Variants in ZFP90 observed in about 807,000 individuals in gnomAD.
ZFP90 encodes the protein zinc finger protein 90 homolog.
Under a neutral mutation model 60.8 loss-of-function variants are expected in ZFP90, and 38 were observed. That is an observed-to-expected ratio of 0.62 (90% CI 0.48 to 0.82). The LOEUF is 0.82. Ranked by LOEUF, ZFP90 falls within the 40% of genes least tolerant of loss-of-function variation. The pLI, the probability that ZFP90 is intolerant of heterozygous loss-of-function variation, is 0.00. For synonymous variants in ZFP90, 287 were observed against 264.8 expected (o/e 1.08, Z -0.82); for missense variants, 711 against 759.1 (o/e 0.94, Z 0.74).
chr16:68,560,317 T>A (rs2091417509), intron 4 of ZFP90, among the ~76,000 whole-genome samples: 1 of 152,132 alleles, frequency 6.6e-6, no homozygotes, highest in Non-Finnish European at 1.5e-5. Flanking sequence ...CTGGTAACCA[T>A]TAATCTAATT....
At chr16:68,571,280 T>G (rs771791878), downstream of ZFP90, among the ~76,000 whole-genome samples, 1 of 152,226 alleles carries the variant, frequency 6.6e-6, no homozygotes. Flanking sequence ...AGGGTTAGGT[T>G]AGTCAGAAGT....
upstream of ZFP90, among the ~76,000 whole-genome samples, chr16:68,537,355 A>C (rs150492217): frequency 0.03 from 4,552 of 151,944 alleles, 92 homozygotes; most frequent in Non-Finnish European, 0.047. Flanking sequence ...CGAACTCCTG[A>C]CCTCAAGTGA....
chr16:68,562,856 C>A, intron 4 of ZFP90, 188 bp from the exon 5 acceptor site: 1 of 1,344,680 alleles, frequency 7.4e-7, no homozygotes, highest in Non-Finnish European at 1.0e-6. Flanking sequence ...ACCACATACT[C>A]TGAATCTGCA....
At chr16:68,560,839 C>CA (rs1183685470) in intron 4 of ZFP90, among the ~76,000 whole-genome samples, 3 of 150,992 alleles carry the variant, frequency 2.0e-5, no homozygotes, top group Admixed American at 1.3e-4. Flanking sequence ...GCTGGGATTA[C>CA]AAGCCTGAGC....
chr16:68,540,808 C>CAAAAAAAAAAAAAAAAAAAAAAAA (rs35122186), intron 2 of ZFP90, among the ~76,000 whole-genome samples: 1 of 92,698 alleles, frequency 1.1e-5, no homozygotes, highest in African/African-American at 4.5e-5. Context: ...TCCGTCTCTG[C>CAAAAAAAAAAAAAAAAAAAAAAAA]AAAAAAAAAA....
chr16:68,549,882 T>C (rs1012524072), intron 2 of ZFP90, among the ~76,000 whole-genome samples: 1 of 151,976 alleles, frequency 6.6e-6, no homozygotes, highest in African/African-American at 2.4e-5. Context: ...GAAAGTACAT[T>C]ATGGTCAGAA....
chr16:68,537,421 C>T (rs1446378841), upstream of ZFP90, among the ~76,000 whole-genome samples: 1 of 152,180 alleles, frequency 6.6e-6, no homozygotes, highest in Non-Finnish European at 1.5e-5. Flanking sequence ...CCACCATGCC[C>T]AGCCTGCAGT....
upstream of ZFP90, among the ~76,000 whole-genome samples, chr16:68,537,805 C>T (rs893435545): frequency 6.6e-6 from 1 of 152,202 alleles, no homozygotes; most frequent in African/African-American, 2.4e-5. Flanking sequence ...GGGCTCCTCC[C>T]TCCTCAGCCT....
chr16:68,548,025 C>T (rs74865836), intron 2 of ZFP90, among the ~76,000 whole-genome samples: 1 of 152,026 alleles, frequency 6.6e-6, no homozygotes, highest in African/African-American at 2.4e-5. Context: ...TGGAGTTTCA[C>T]CATGTCGGTC....
At chr16:68,542,676 G>A (rs2091073310) in intron 2 of ZFP90, among the ~76,000 whole-genome samples, 1 of 152,208 alleles carries the variant, frequency 6.6e-6, no homozygotes, top group Non-Finnish European at 1.5e-5. Flanking sequence ...GAAGATGGCG[G>A]TGCATGTTCA....
chr16:68,552,255 C>T (rs937551453), intron 2 of ZFP90, among the ~76,000 whole-genome samples: 1 of 152,180 alleles, frequency 6.6e-6, no homozygotes, highest in African/African-American at 2.4e-5. Flanking sequence ...TTTACTCCGG[C>T]AAACTTTTGA....
chr16:68,573,514 C>CT (rs1183713744), intron 2 of ZFP90, among the ~76,000 whole-genome samples: 2 of 152,156 alleles, frequency 1.3e-5, no homozygotes, highest in Non-Finnish European at 2.9e-5. Context: ...TATGGTCAGA[C>CT]TAAGTTTCAA....
In ZFP90 at chr16:68,566,405, T is replaced by C. The variant is rs765492670; in HGVS notation, c.*1707T>C. On this transcript the variant is annotated 3_prime_UTR_variant, in exon 5 of 5. Transcript: ENST00000563169. Reference sequence around the variant, plus strand: ...ATATTGGTCGTATTGATGGTGAACCTTTCCTACTGGATTCTTTGCATGCCA... The same window carrying C: ...ATATTGGTCGTATTGATGGTGAACCCTTCCTACTGGATTCTTTGCATGCCA... 2.0e-6 allele frequency: 2 copies of C among 985,466 alleles called. No homozygotes were observed. The highest frequency in any genetic ancestry group is 6.1e-5 in the Admixed American group (1 of 16,266). 61.0% of individuals were successfully genotyped at this position (985,466 alleles called of 1,614,324 possible). A position where few individuals can be genotyped will look rare whatever the true frequency, so the allele number is the denominator to read the frequency against.
intron 2 of ZFP90, among the ~76,000 whole-genome samples, chr16:68,547,674 A>G (rs2091173810): frequency 6.6e-6 from 1 of 152,136 alleles, no homozygotes; most frequent in Non-Finnish European, 1.5e-5. Context: ...ATCAGTTTTA[A>G]TGACTATATT....
chr16:68,559,045 A>T (rs1597741264), intron 4 of ZFP90, among the ~76,000 whole-genome samples: 1 of 151,184 alleles, frequency 6.6e-6, no homozygotes, highest in African/African-American at 2.4e-5. Context: ...TTGACTCATT[A>T]CCTCCCTCCA....
At chr16:68,575,779 C>T in intron 2 of ZFP90, 1 of 398,304 alleles carries the variant, frequency 2.5e-6, no homozygotes, top group East Asian at 3.6e-5. Flanking sequence ...GGACCTGTTC[C>T]TGTCTGCCTA....
At position 68,557,985 on chromosome 16, in the gene ZFP90, T is replaced by A; in HGVS notation, c.34-13T>A. On this transcript the variant is annotated splice_polypyrimidine_tract_variant and intron_variant, in intron 2 of 4. Transcript: ENST00000563169. ...GGGTTGATCCCCAGTTGAACAGGAA[T>A]GTGATTTTACAGGAATCAGTGACAT... The A allele has an allele frequency of 1.2e-6, 2 of 1,613,498 alleles. No individual in the cohort carries two copies. Among genetic ancestry groups the A allele is most frequent in the Non-Finnish European group, 1.7e-6 (2 of 1,179,780 alleles).
chr16:68,565,010 C>A lies in ZFP90; in HGVS notation c.*312C>A. The A allele has an allele frequency of 9.5e-7, 1 of 1,057,464 alleles. No individual in the cohort carries two copies. The highest frequency in any genetic ancestry group is 1.1e-6 in the Non-Finnish European group (1 of 877,338). 65.5% of individuals were successfully genotyped at this position (1,057,464 alleles called of 1,614,324 possible). On this transcript the variant is annotated 3_prime_UTR_variant, in exon 5 of 5. Transcript: ENST00000563169. ...GTTTCAACATCTTGACTTGTGACCC[C>A]CAATGTCAACAGCTTTTTTAAAAAG...
intron 2 of ZFP90, chr16:68,557,293 T>C: frequency 2.2e-6 from 1 of 455,702 alleles, no homozygotes; most frequent in African/African-American, 2.0e-5. Flanking sequence ...GGATTACAGG[T>C]GTGAACCACC....
Sources: allele counts gnomAD v4.1 joint callset (sites outside exome capture counted in the v4.1 genomes callset), GRCh38; gene constraint gnomAD v4.1.1; transcripts MANE v1.5; gene names NCBI Gene and HGNC (gene_info 2026-07-23, HGNC 2026-07-21).